LRFN5: variants seen among roughly 807,000 people sequenced by gnomAD.
LRFN5 encodes the protein leucine rich repeat and fibronectin type III domain containing 5.
Under a neutral mutation model 45.6 loss-of-function variants are expected in LRFN5, and 24 were observed. The ratio of observed to expected loss-of-function variants is 0.53; its 90% confidence interval spans 0.38 to 0.74. The LOEUF (loss-of-function observed/expected upper bound fraction) is 0.74. LRFN5 is among the 30% of genes least tolerant of loss of function. LRFN5 has a pLI of 0.00. For synonymous variants in LRFN5, 340 were observed against 313.8 expected (o/e 1.08, Z -0.88); for missense variants, 776 against 861.5 (o/e 0.90, Z 1.24).
chr14:41,890,504 G>C, intron 3 of LRFN5, among the ~76,000 whole-genome samples: 1 of 151,198 alleles, frequency 6.6e-6, no homozygotes, highest in Non-Finnish European at 1.5e-5. Flanking sequence ...TCAGGAGATC[G>C]AGACCATCCT....
At chr14:41,772,659 G>T (rs552215063) in intron 2 of LRFN5, among the ~76,000 whole-genome samples, 14 of 152,140 alleles carry the variant, frequency 9.2e-5, no homozygotes, top group Admixed American at 1.3e-4. Context: ...ATTCCAAATT[G>T]ATATATCTAA....
chr14:41,690,264 T>C (rs1882318994), intron 1 of LRFN5, among the ~76,000 whole-genome samples: 1 of 151,966 alleles, frequency 6.6e-6, no homozygotes, highest in African/African-American at 2.4e-5. Flanking sequence ...GAAATAAACA[T>C]TTTGGCCAGG....
intron 1 of LRFN5, among the ~76,000 whole-genome samples, chr14:41,674,645 T>C (rs1239904662): frequency 7.5e-6 from 1 of 133,162 alleles, no homozygotes; most frequent in Non-Finnish European, 1.6e-5. Context: ...GTTGGCCAGG[T>C]GGGGGGCTGA....
At chr14:41,636,617 A>G (rs1011235439) in intron 1 of LRFN5, among the ~76,000 whole-genome samples, 2 of 145,094 alleles carry the variant, frequency 1.4e-5, no homozygotes, top group Non-Finnish European at 3.0e-5. Context: ...AGTATAATTA[A>G]AAAAAAAAAA....
At chr14:41,834,559 T>A (rs1888596345) in intron 2 of LRFN5, among the ~76,000 whole-genome samples, 1 of 152,210 alleles carries the variant, frequency 6.6e-6, no homozygotes, top group Non-Finnish European at 1.5e-5. Flanking sequence ...TAACATTCGA[T>A]AAAGTACACT....
chr14:41,835,804 T>C (rs1226090379), intron 2 of LRFN5, among the ~76,000 whole-genome samples: 2 of 152,072 alleles, frequency 1.3e-5, no homozygotes, highest in Non-Finnish European at 2.9e-5. Flanking sequence ...GAAATGCAGA[T>C]AAAAATCTTT....
intron 2 of LRFN5, among the ~76,000 whole-genome samples, chr14:41,771,842 C>A (rs1421062634): frequency 6.6e-6 from 1 of 152,170 alleles, no homozygotes; most frequent in African/African-American, 2.4e-5. Flanking sequence ...TACCCAGTTC[C>A]AAAGCCACTT....
chr14:41,735,755 T>A (rs983436359), intron 1 of LRFN5, among the ~76,000 whole-genome samples: 23 of 152,004 alleles, frequency 1.5e-4, no homozygotes, highest in African/African-American at 5.6e-4. Context: ...TCCCTCGCCT[T>A]GTCCCCCACC....
chr14:41,717,058 C>T (rs1883522250), intron 1 of LRFN5, among the ~76,000 whole-genome samples: 1 of 152,138 alleles, frequency 6.6e-6, no homozygotes. Context: ...GCTATAAAAA[C>T]CACACAGGCT....
At chr14:41,731,120 T>C (rs74837644) in intron 1 of LRFN5, among the ~76,000 whole-genome samples, 9,367 of 152,130 alleles carry the variant, frequency 0.062, 507 homozygotes, top group East Asian at 0.32. Flanking sequence ...AATAAAAAAG[T>C]GTGAGATAAT....
intron 2 of LRFN5, among the ~76,000 whole-genome samples, chr14:41,863,526 C>G (rs1026126673): frequency 6.6e-6 from 1 of 151,816 alleles, no homozygotes; most frequent in Admixed American, 6.6e-5. Flanking sequence ...CTCTTTTGAC[C>G]CATGGGTTAT....
intron 1 of LRFN5, among the ~76,000 whole-genome samples, chr14:41,757,390 T>A (rs1159289231): frequency 6.6e-6 from 1 of 152,214 alleles, no homozygotes; most frequent in Non-Finnish European, 1.5e-5. Context: ...CTCCTTGAAC[T>A]GTGGTGGGCT....
intron 1 of LRFN5, among the ~76,000 whole-genome samples, chr14:41,692,522 C>T (rs577595451): frequency 6.1e-4 from 92 of 151,994 alleles, no homozygotes; most frequent in Non-Finnish European, 9.4e-4. Flanking sequence ...CCATTAAACT[C>T]GTCATTTACA....
intron 2 of LRFN5, among the ~76,000 whole-genome samples, chr14:41,871,854 C>G (rs2147112): frequency 0.54 from 82,248 of 151,946 alleles, 22,575 homozygotes; most frequent in East Asian, 0.71. Context: ...TCTACCTGCT[C>G]TTTTACCCAA....
At position 41,773,571 on chromosome 14, in the gene LRFN5, C is replaced by CTG. The variant is rs577279582; in HGVS notation, c.-21+6543_-21+6544insGT. On this transcript the variant is annotated intron_variant, in intron 2 of 5. Transcript: ENST00000298119. ...TCTCTCTCTCTCTTTGTCTCTCTCTCTCTCTGTCTCTTTCTCTTTCTCTCT... is the reference window on the plus strand; with the variant it reads ...TCTCTCTCTCTCTTTGTCTCTCTCTCTGTCTCTGTCTCTTTCTCTTTCTCTCT... Among the ~76,000 whole-genome samples the CTG allele has an allele frequency of 9.1e-3, 1,391 of 152,092 alleles. 7 individuals carry two copies. The highest frequency in any genetic ancestry group is 0.014 in the Non-Finnish European group (937 of 68,012).
At chr14:41,876,761 C>T (rs1361472297) in intron 2 of LRFN5, among the ~76,000 whole-genome samples, 3 of 152,040 alleles carry the variant, frequency 2.0e-5, no homozygotes, top group South Asian at 4.1e-4. Flanking sequence ...CCAAAACCCT[C>T]TTGGGAAAAG....
At chr14:41,679,746 G>C (rs1881800614) in intron 1 of LRFN5, among the ~76,000 whole-genome samples, 1 of 152,066 alleles carries the variant, frequency 6.6e-6, no homozygotes, top group Non-Finnish European at 1.5e-5. Context: ...GAGTAAAGGG[G>C]AGTTTTTCTT....
At chr14:41,896,473 T>G (rs1457808452) in intron 4 of LRFN5, among the ~76,000 whole-genome samples, 1 of 152,156 alleles carries the variant, frequency 6.6e-6, no homozygotes, top group Non-Finnish European at 1.5e-5. Flanking sequence ...AGAGGTGGAT[T>G]GTATGTGAAA....
intron 1 of LRFN5, among the ~76,000 whole-genome samples, chr14:41,697,734 A>G (rs1882675516): frequency 6.6e-6 from 1 of 151,236 alleles, no homozygotes; most frequent in Non-Finnish European, 1.5e-5. Flanking sequence ...TACTTAAGAT[A>G]TGACTATTAC....
Sources: gnomAD v4.1 joint callset for allele counts (sites outside exome capture counted in the v4.1 genomes callset) on GRCh38, gnomAD v4.1.1 for gene constraint, MANE v1.5 for transcripts, NCBI Gene and HGNC (gene_info 2026-07-23, HGNC 2026-07-21) for gene names.